SNTB1: variants seen among roughly 807,000 people sequenced by gnomAD.
SNTB1 encodes the protein syntrophin beta 1.
SNTB1 carries 36 observed loss-of-function variants against 48.9 expected under a neutral mutation model. The observed-to-expected ratio is 0.74, with a 90% CI of 0.56 to 0.97. The LOEUF (loss-of-function observed/expected upper bound fraction) is 0.97, where lower values mean the gene tolerates loss of function less well. Among genes scored for constraint, SNTB1 ranks in the 50% least tolerant of loss-of-function variants. SNTB1 has a pLI of 0.00. For missense variants in SNTB1, 786 were observed against 703.4 expected (o/e 1.12, Z -1.33); for synonymous variants, 299 against 294.6 (o/e 1.01, Z -0.15).
chr8:120,568,895 G>A (rs1216590526), intron 4 of SNTB1, among the ~76,000 whole-genome samples: 2 of 152,216 alleles, frequency 1.3e-5, no homozygotes, highest in Non-Finnish European at 2.9e-5. Context: ...GGGACAGTGA[G>A]TTGAGGGGAC....
At chr8:120,744,085 G>A (rs76898262) in intron 1 of SNTB1, among the ~76,000 whole-genome samples, 10,258 of 150,998 alleles carry the variant, frequency 0.068, 490 homozygotes, top group East Asian at 0.17. Context: ...AGCTAAGATC[G>A]TGCCACTGCA....
At chr8:120,801,940 C>T (rs141145433) in intron 1 of SNTB1, among the ~76,000 whole-genome samples, 307 of 152,176 alleles carry the variant, frequency 2.0e-3, no homozygotes, top group African/African-American at 7.0e-3. Context: ...TTGCAAGTTC[C>T]CTTTCTGAGT....
intron 1 of SNTB1, among the ~76,000 whole-genome samples, chr8:120,777,980 C>T (rs1299891949): frequency 6.6e-6 from 1 of 152,220 alleles, no homozygotes; most frequent in Non-Finnish European, 1.5e-5. Flanking sequence ...TGAACTCACT[C>T]CCTTTCTCCA....
chr8:120,618,290 T>C (rs1296640637), intron 3 of SNTB1, among the ~76,000 whole-genome samples: 1 of 152,250 alleles, frequency 6.6e-6, no homozygotes, highest in Non-Finnish European at 1.5e-5. Context: ...CCTGAGAATA[T>C]CTTTGTATCT....
chr8:120,753,691 G>T (rs2130041572), intron 1 of SNTB1, among the ~76,000 whole-genome samples: 1 of 152,268 alleles, frequency 6.6e-6, no homozygotes, highest in South Asian at 2.1e-4. Flanking sequence ...AGAAGCATCA[G>T]GTGTGTGCGG....
intron 3 of SNTB1, among the ~76,000 whole-genome samples, chr8:120,584,438 C>CAAAAAAAAAAAAAAAAA (rs11443743): frequency 1.8e-5 from 1 of 57,070 alleles, no homozygotes; most frequent in African/African-American, 8.1e-5. Flanking sequence ...AACTCCATCT[C>CAAAAAAAAAAAAAAAAA]AAAAAAAAAA....
intron 2 of SNTB1, among the ~76,000 whole-genome samples, chr8:120,663,084 C>T (rs1385127808): frequency 2.6e-5 from 4 of 151,876 alleles, no homozygotes; most frequent in South Asian, 2.1e-4. Flanking sequence ...TAGGAGAGGC[C>T]GCATAGCACA....
chr8:120,637,747 T>C, intron 2 of SNTB1: 2 of 423,440 alleles, frequency 4.7e-6, no homozygotes, highest in Non-Finnish European at 9.2e-6. Context: ...GTTCACAGCA[T>C]AAGATAAGAC....
intron 2 of SNTB1, among the ~76,000 whole-genome samples, chr8:120,643,172 T>A (rs1257377351): frequency 1.3e-5 from 2 of 152,232 alleles, no homozygotes; most frequent in Non-Finnish European, 2.9e-5. Flanking sequence ...AGTGTCCTCC[T>A]GACATGGCAG....
At chr8:120,542,466 C>CA (rs143918562) in intron 5 of SNTB1, among the ~76,000 whole-genome samples, 6 of 152,188 alleles carry the variant, frequency 3.9e-5, no homozygotes, top group Non-Finnish European at 8.8e-5. Flanking sequence ...CCAGCCTGGC[C>CA]AATATGGTGC....
intron 3 of SNTB1, among the ~76,000 whole-genome samples, chr8:120,598,891 C>A (rs7812594): frequency 3.3e-5 from 5 of 151,972 alleles, no homozygotes; most frequent in East Asian, 1.9e-4. Flanking sequence ...ACGGCTCCTC[C>A]TCTGTGTGAA....
intron 1 of SNTB1, among the ~76,000 whole-genome samples, chr8:120,806,195 G>A (rs186389131): frequency 5.3e-4 from 80 of 152,334 alleles, no homozygotes; most frequent in Non-Finnish European, 6.8e-4. Flanking sequence ...AGAAATTTAT[G>A]AAGGCTTTTT....
chr8:120,641,032 T>C (rs887329223), intron 2 of SNTB1, among the ~76,000 whole-genome samples: 13 of 152,102 alleles, frequency 8.5e-5, no homozygotes, highest in African/African-American at 3.1e-4. Flanking sequence ...GTAGGCCCAA[T>C]AGCCAGCATT....
At chr8:120,543,701 A>G (rs1337055837) in intron 5 of SNTB1, among the ~76,000 whole-genome samples, 1 of 152,274 alleles carries the variant, frequency 6.6e-6, no homozygotes. Context: ...CCGGGAAGAA[A>G]TAGAGATTTC....
chr8:120,728,402 C>T (rs940462565), intron 1 of SNTB1, among the ~76,000 whole-genome samples: 13 of 152,072 alleles, frequency 8.5e-5, no homozygotes, highest in Admixed American at 5.2e-4. Context: ...TATTGTGTGA[C>T]GCTGAGGTTT....
intron 3 of SNTB1, among the ~76,000 whole-genome samples, chr8:120,593,597 C>CA: frequency 6.6e-6 from 1 of 152,284 alleles, no homozygotes; most frequent in Middle Eastern, 3.4e-3. Flanking sequence ...TTAATAAACT[C>CA]ATTCTTACAG....
chr8:120,588,677 T>C (rs1348204905), intron 3 of SNTB1, among the ~76,000 whole-genome samples: 2 of 152,254 alleles, frequency 1.3e-5, no homozygotes, highest in Non-Finnish European at 2.9e-5. Context: ...TCCATGCTGC[T>C]GTTTCCACAT....
chr8:120,779,715 C>A (rs935678858), intron 1 of SNTB1, among the ~76,000 whole-genome samples: 2 of 151,956 alleles, frequency 1.3e-5, no homozygotes, highest in African/African-American at 2.4e-5. Context: ...AGAGCCGGAG[C>A]GTTAGTTTTC....
At chr8:120,580,055 A>C (rs944811277) in intron 3 of SNTB1, among the ~76,000 whole-genome samples, 1 of 152,210 alleles carries the variant, frequency 6.6e-6, no homozygotes, top group African/African-American at 2.4e-5. Flanking sequence ...CACCTCCTCA[A>C]CTTCAAAATC....
Sources: gnomAD v4.1 joint callset for allele counts (sites outside exome capture counted in the v4.1 genomes callset) on GRCh38, gnomAD v4.1.1 for gene constraint, MANE v1.5 for transcripts, NCBI Gene and HGNC (gene_info 2026-07-23, HGNC 2026-07-21) for gene names.